The following LARGE1 variants were observed in gnomAD, a reference collection of about 807,000 sequenced individuals.
LARGE1 encodes xylosyl- and glucuronyltransferase LARGE1.
LARGE1 carries 43 observed loss-of-function variants against 87.6 expected under a neutral mutation model. The ratio of observed to expected loss-of-function variants is 0.49; its 90% CI spans 0.38 to 0.63. The LOEUF (loss-of-function observed/expected upper bound fraction) is 0.63, where lower values mean the gene tolerates loss of function less well. Among genes scored for constraint, LARGE1 ranks in the 30% least tolerant of loss-of-function variants. LARGE1 has a pLI of 0.00. For synonymous variants in LARGE1, 434 were observed against 394.6 expected (o/e 1.10, Z -1.18); for missense variants, 802 against 1,000.2 (o/e 0.80, Z 2.67).
intron 6 of LARGE1, among the ~76,000 whole-genome samples, chr22:33,551,907 T>C (rs565312144): frequency 1.4e-5 from 2 of 142,544 alleles, no homozygotes; most frequent in African/African-American, 2.6e-5. Flanking sequence ...GGCAGGAGAA[T>C]GGTGTGAACC....
chr22:33,736,269 G>C (rs2083653134), intron 2 of LARGE1, among the ~76,000 whole-genome samples: 1 of 152,142 alleles, frequency 6.6e-6, no homozygotes. Flanking sequence ...CAATGTATAA[G>C]GGTTCCGATT....
intron 7 of LARGE1, among the ~76,000 whole-genome samples, chr22:33,402,114 A>G (rs1229443533): frequency 6.6e-6 from 1 of 152,224 alleles, no homozygotes; most frequent in Admixed American, 6.5e-5. Flanking sequence ...TTGTTTTTAC[A>G]AACAAGGAAA....
At chr22:33,797,321 C>T (rs1467854459) in intron 1 of LARGE1, among the ~76,000 whole-genome samples, 1 of 152,182 alleles carries the variant, frequency 6.6e-6, no homozygotes, top group East Asian at 1.9e-4. Context: ...TGCCTTTGGG[C>T]ATTGTTGACA....
At chr22:33,249,500 T>C (rs1926918903) in intron 11 of LARGE1, among the ~76,000 whole-genome samples, 1 of 152,224 alleles carries the variant, frequency 6.6e-6, no homozygotes, top group African/African-American at 2.4e-5. Flanking sequence ...TGTCTTCTCA[T>C]TCTCTTGATA....
chr22:33,564,349 A>G (rs2077957539), intron 6 of LARGE1, among the ~76,000 whole-genome samples: 1 of 152,096 alleles, frequency 6.6e-6, no homozygotes, highest in Admixed American at 6.5e-5. Flanking sequence ...TAATAGCTAT[A>G]AAGAAACCCA....
the LARGE1 span, among the ~76,000 whole-genome samples, chr22:33,074,911 C>T: frequency 2.0e-5 from 3 of 152,128 alleles, no homozygotes; most frequent in Non-Finnish European, 2.9e-5. Context: ...GTGCTTTACA[C>T]ATGTTAACAT....
At position 33,690,697 on chromosome 22, in the gene LARGE1, A is replaced by C. The variant is rs2267262; in HGVS notation, c.107-40029T>G. 0.011 allele frequency among the ~76,000 whole-genome samples: 1,688 copies of C among 147,922 alleles called. 91 individuals carry two copies. The East Asian group carries it at 0.17, about 15-fold the overall frequency. On this transcript the variant is annotated intron_variant, in intron 2 of 14. Transcript: ENST00000397394. ...AAAAAAAAAAAAAAGGAATGGTAAG[A>C]GAAATCCCGAGGCCCACTTGACAAA...
At chr22:33,540,688 G>A (rs1393873021) in intron 6 of LARGE1, among the ~76,000 whole-genome samples, 4 of 152,206 alleles carry the variant, frequency 2.6e-5, no homozygotes, top group Middle Eastern at 3.4e-3. Flanking sequence ...TCAAAAATAC[G>A]GCAGGCCACT....
Position 33,564,626 on chromosome 22 carries a change from A to G in LARGE1, c.787+222T>C, listed in dbSNP as rs529006677. Among the ~76,000 whole-genome samples, 6 of 152,360 alleles carry G rather than the reference A, an allele frequency of 3.9e-5. No homozygotes were observed. The East Asian group carries it at 1.2e-3, about 29-fold the overall frequency. The stretch of plus-strand genomic sequence containing the variant: ...CACATTTGATATTTATCTGTTAAAA[A>G]CATCTTCATTTACTAAAGACATGTA... On this transcript the variant is annotated intron_variant, in intron 6 of 14. Transcript: ENST00000397394.
At chr22:33,855,022 C>G (rs2063717192) in intron 1 of LARGE1, among the ~76,000 whole-genome samples, 1 of 152,114 alleles carries the variant, frequency 6.6e-6, no homozygotes, top group Non-Finnish European at 1.5e-5. Flanking sequence ...GGCAGTCATT[C>G]TGGAGAAGGT....
chr22:33,695,433 AC>A (rs2082214410), intron 2 of LARGE1, among the ~76,000 whole-genome samples: 1 of 152,180 alleles, frequency 6.6e-6, no homozygotes, highest in Non-Finnish European at 1.5e-5. Flanking sequence ...GAAGGAAGGT[AC>A]CACACATCCT....
chr22:33,817,251 T>C (rs2086681873), intron 1 of LARGE1, among the ~76,000 whole-genome samples: 1 of 152,166 alleles, frequency 6.6e-6, no homozygotes, highest in African/African-American at 2.4e-5. Context: ...GCACACATTT[T>C]CAAAGTCAAA....
At chr22:33,334,042 G>A (rs1193366887) in intron 10 of LARGE1, among the ~76,000 whole-genome samples, 4 of 152,072 alleles carry the variant, frequency 2.6e-5, no homozygotes, top group Non-Finnish European at 5.9e-5. Context: ...AGAATTGCTT[G>A]AATCTGGGAG....
intron 7 of LARGE1, among the ~76,000 whole-genome samples, chr22:33,401,718 C>G (rs906781978): frequency 6.6e-6 from 1 of 152,136 alleles, no homozygotes; most frequent in Non-Finnish European, 1.5e-5. Flanking sequence ...GAGGAAGCAT[C>G]TATATAGAAG....
rs181475141 is a variant in LARGE1, at chr22:33,878,372, G to T, written c.-83+41623C>A. 4.5e-3 allele frequency among the ~76,000 whole-genome samples: 678 copies of T among 151,600 alleles called. 2 individuals carry two copies. Among genetic ancestry groups the T allele is most frequent in the Admixed American group, 9.1e-3 (138 of 15,214 alleles). On this transcript the variant is annotated intron_variant, in intron 1 of 14. Transcript: ENST00000397394. ...TCGCAAACTCCTGACCTTGTGATCC[G>T]CCCGCCTCAGCCTCCCAAAGTGCTG...
chr22:33,541,436 T>C (rs1036095723), intron 6 of LARGE1, among the ~76,000 whole-genome samples: 1 of 152,204 alleles, frequency 6.6e-6, no homozygotes, highest in Non-Finnish European at 1.5e-5. Context: ...CAGAAAAGCA[T>C]CTGAAATATT....
intron 7 of LARGE1, among the ~76,000 whole-genome samples, chr22:33,420,799 C>G (rs1046647689): frequency 5.9e-5 from 9 of 152,196 alleles, no homozygotes; most frequent in African/African-American, 2.2e-4. Flanking sequence ...TGGGAGAATG[C>G]TCAGCTCCAA....
chr22:33,455,993 A>G (rs975941302), intron 6 of LARGE1, among the ~76,000 whole-genome samples: 1 of 152,158 alleles, frequency 6.6e-6, no homozygotes, highest in Non-Finnish European at 1.5e-5. Context: ...AAGTATCCCT[A>G]TCCACAGCTA....
intron 6 of LARGE1, among the ~76,000 whole-genome samples, chr22:33,528,901 T>C (rs2072052079): frequency 6.6e-6 from 1 of 152,176 alleles, no homozygotes; most frequent in African/African-American, 2.4e-5. Flanking sequence ...GAGTGTCTAC[T>C]ATACGCCAGG....
Sources: gnomAD v4.1 joint callset for allele counts (sites outside exome capture counted in the v4.1 genomes callset) on GRCh38, gnomAD v4.1.1 for gene constraint, MANE v1.5 for transcripts, NCBI Gene and HGNC (gene_info 2026-07-23, HGNC 2026-07-21) for gene names.